CADPS: variants seen among roughly 807,000 people sequenced by gnomAD.
CADPS encodes the protein calcium dependent secretion activator.
A neutral mutation model predicts 167.3 loss-of-function variants in CADPS; 57 were observed. The observed-to-expected ratio is 0.34, with a 90% CI of 0.28 to 0.42. CADPS has a LOEUF of 0.42. Ranked by LOEUF, CADPS falls within the 20% of genes least tolerant of loss-of-function variation. The pLI, the probability that CADPS is intolerant of heterozygous loss-of-function variation, is 1.00. For synonymous variants in CADPS, 676 were observed against 635.3 expected, an observed-to-expected ratio of 1.06 and a Z score of -0.96; for missense variants, 1,414 against 1,738.1, an observed-to-expected ratio of 0.81 and a Z score of 3.32.
chr3:62,679,739 G>A (rs1188427243), intron 3 of CADPS, among the ~76,000 whole-genome samples: 1 of 152,036 alleles, frequency 6.6e-6, no homozygotes, highest in Non-Finnish European at 1.5e-5. Context: ...CACAGAAGAG[G>A]CAGGGAGGTT....
chr3:62,523,171 C>A (rs951551972), intron 13 of CADPS, among the ~76,000 whole-genome samples: 7 of 152,132 alleles, frequency 4.6e-5, no homozygotes, highest in African/African-American at 1.7e-4. Flanking sequence ...AATAATAATA[C>A]ATCTAGAGTT....
chr3:62,569,618 A>T (rs1204632016), intron 9 of CADPS, among the ~76,000 whole-genome samples: 1 of 152,198 alleles, frequency 6.6e-6, no homozygotes. Flanking sequence ...TGAAACCCTC[A>T]AGGTCATTTA....
chr3:62,507,404 TC>T (rs1175358352), intron 17 of CADPS, among the ~76,000 whole-genome samples: 1 of 151,906 alleles, frequency 6.6e-6, no homozygotes, highest in African/African-American at 2.4e-5. Flanking sequence ...GTTTCATGTC[TC>T]TGTTTTCTTT....
At chr3:62,417,536 C>A (rs1286876081) in intron 28 of CADPS, among the ~76,000 whole-genome samples, 1 of 152,028 alleles carries the variant, frequency 6.6e-6, no homozygotes, top group Non-Finnish European at 1.5e-5. Flanking sequence ...CCACCTGCCT[C>A]GGCCTCCCAA....
chr3:62,654,175 C>T (rs978057184), intron 4 of CADPS, among the ~76,000 whole-genome samples: 2 of 152,158 alleles, frequency 1.3e-5, no homozygotes, highest in African/African-American at 4.8e-5. Context: ...GACTTGGCTG[C>T]TGGGTCCCCA....
chr3:62,629,213 T>C (rs1031093837), intron 6 of CADPS, among the ~76,000 whole-genome samples: 3 of 152,220 alleles, frequency 2.0e-5, no homozygotes, highest in African/African-American at 7.2e-5. Flanking sequence ...TGTGCCACTA[T>C]TGCTGTACTC....
At chr3:62,867,980 G>GTA (rs1282885599) in intron 1 of CADPS, among the ~76,000 whole-genome samples, 1 of 152,002 alleles carries the variant, frequency 6.6e-6, no homozygotes, top group Non-Finnish European at 1.5e-5. Context: ...ATTTCACAGT[G>GTA]TATACCCTTA....
chr3:62,483,005 G>T (rs1223327389), intron 21 of CADPS, among the ~76,000 whole-genome samples: 1 of 151,934 alleles, frequency 6.6e-6, no homozygotes, highest in South Asian at 2.1e-4. Flanking sequence ...TCTTTGGAAG[G>T]ACGGTGTCAT....
chr3:62,661,280 C>T (rs896848888), intron 4 of CADPS, among the ~76,000 whole-genome samples: 13 of 152,032 alleles, frequency 8.6e-5, no homozygotes, highest in African/African-American at 1.2e-4. Context: ...GGTTGATATG[C>T]GATCTGACGG....
At chr3:62,486,446 A>G (rs1057069693) in intron 21 of CADPS, among the ~76,000 whole-genome samples, 30 of 111,740 alleles carry the variant, frequency 2.7e-4, no homozygotes, top group African/African-American at 1.4e-3. Context: ...CTCCGTCTCA[A>G]AAAAAAAAAA....
intron 6 of CADPS, among the ~76,000 whole-genome samples, chr3:62,596,717 T>C (rs1352792885): frequency 1.3e-5 from 2 of 152,206 alleles, no homozygotes; most frequent in African/African-American, 4.8e-5. Flanking sequence ...TGTACTTTTG[T>C]ATCCTTTGTG....
chr3:62,462,801 C>T (rs534579342), intron 26 of CADPS, among the ~76,000 whole-genome samples: 1 of 152,318 alleles, frequency 6.6e-6, no homozygotes, highest in Non-Finnish European at 1.5e-5. Flanking sequence ...GGAATTAACA[C>T]AATTGGGCCG....
chr3:62,851,465 G>A (rs2078569926), intron 1 of CADPS, among the ~76,000 whole-genome samples: 1 of 149,396 alleles, frequency 6.7e-6, no homozygotes, highest in Admixed American at 6.7e-5. Context: ...TTTAGGGCAG[G>A]CCTTGTGGTG....
chr3:62,503,217 A>G (rs1331012911), intron 17 of CADPS, among the ~76,000 whole-genome samples: 2 of 152,246 alleles, frequency 1.3e-5, no homozygotes, highest in African/African-American at 4.8e-5. Context: ...TCTTTTTTAC[A>G]GATGACCAGA....
chr3:62,831,496 T>C (rs1196735471), intron 1 of CADPS, among the ~76,000 whole-genome samples: 4 of 152,134 alleles, frequency 2.6e-5, no homozygotes, highest in African/African-American at 7.2e-5. Flanking sequence ...ACTGCTGGCA[T>C]GGTTCCATTA....
chr3:62,481,662 T>C, intron 22 of CADPS, 61 bp downstream of exon 22: 1 of 1,453,760 alleles, frequency 6.9e-7, no homozygotes, highest in Admixed American at 2.4e-5. Context: ...AAATAAACAA[T>C]ACATATCCAT....
At chr3:62,615,978 A>G (rs2062215409) in intron 6 of CADPS, among the ~76,000 whole-genome samples, 1 of 152,124 alleles carries the variant, frequency 6.6e-6, no homozygotes, top group Non-Finnish European at 1.5e-5. Context: ...GCATCACTTT[A>G]CAGCTAAACT....
chr3:62,490,120 G>A (rs1054906371), intron 21 of CADPS, among the ~76,000 whole-genome samples: 4 of 152,032 alleles, frequency 2.6e-5, no homozygotes, highest in Non-Finnish European at 2.9e-5. Context: ...TTAGAGGAGG[G>A]TCTCAGTTCA....
chr3:62,814,512 C>T lies in CADPS; in HGVS notation c.442-48528G>A, dbSNP rs536699113. 11 of 152,168 alleles carry T rather than the reference C, an allele frequency of 7.2e-5. No individual in the cohort carries two copies. The South Asian group carries it at 1.5e-3, about 20-fold the overall frequency. The allele number at this position is 152,168 out of a possible 1,614,324, so 9.4% of individuals were successfully genotyped here. On this transcript the variant is annotated intron_variant, in intron 1 of 29. Transcript: ENST00000383710. ...TAAAAATTTCTTTTACCTATTCATG[C>T]GATATTTTACTTTTTTAATATATAA...
Sources: gnomAD v4.1 joint callset for allele counts (sites outside exome capture counted in the v4.1 genomes callset) on GRCh38, gnomAD v4.1.1 for gene constraint, MANE v1.5 for transcripts, NCBI Gene and HGNC (gene_info 2026-07-23, HGNC 2026-07-21) for gene names.